NAALADL2: variants seen among roughly 807,000 people sequenced by gnomAD.
The protein encoded by NAALADL2 is inactive N-acetylated-alpha-linked acidic dipeptidase-like protein 2.
In NAALADL2, 76 loss-of-function variants were observed where a neutral mutation model predicts 87.2. That is an observed-to-expected ratio of 0.87 (90% CI 0.72 to 1.05). The LOEUF is 1.05. Ranked by LOEUF, NAALADL2 falls within the 50% of genes least tolerant of loss-of-function variation. The pLI, the probability that NAALADL2 is intolerant of heterozygous loss-of-function variation, is 0.00. For missense variants in NAALADL2, 1,089 were observed against 945.8 expected, an observed-to-expected ratio of 1.15 and a Z score of -1.99; for synonymous variants, 354 against 331.0, an observed-to-expected ratio of 1.07 and a Z score of -0.75.
intron 9 of NAALADL2, among the ~76,000 whole-genome samples, chr3:175,472,555 G>A (rs1476237647): frequency 6.6e-6 from 1 of 152,064 alleles, no homozygotes; most frequent in Non-Finnish European, 1.5e-5. Flanking sequence ...ATGCCCACAG[G>A]ACTTTTTGGG....
intron 2 of NAALADL2, among the ~76,000 whole-genome samples, chr3:174,587,441 T>A (rs1390841623): frequency 1.3e-5 from 2 of 152,182 alleles, no homozygotes; most frequent in Admixed American, 1.3e-4. Context: ...TTTATTTTGC[T>A]CATTAGTTGA....
chr3:175,082,572 AT>A (rs1234785715), intron 1 of NAALADL2, among the ~76,000 whole-genome samples: 1 of 152,138 alleles, frequency 6.6e-6, no homozygotes, highest in Non-Finnish European at 1.5e-5. Context: ...GAAGCACTTT[AT>A]TTTTTAAGAA....
chr3:174,501,287 C>T (rs990751212), intron 1 of NAALADL2, among the ~76,000 whole-genome samples: 9 of 143,684 alleles, frequency 6.3e-5, no homozygotes, highest in African/African-American at 2.7e-4. Context: ...ACCGTTTTAG[C>T]CGGGATGGTC....
At chr3:174,765,522 A>G (rs553713078) in intron 3 of NAALADL2, among the ~76,000 whole-genome samples, 21 of 152,120 alleles carry the variant, frequency 1.4e-4, no homozygotes, top group Admixed American at 7.2e-4. Flanking sequence ...AAAACTTGCC[A>G]TTTTCACTAT....
chr3:175,199,756 TG>T (rs1739529112), intron 2 of NAALADL2, among the ~76,000 whole-genome samples: 1 of 79,970 alleles, frequency 1.3e-5, no homozygotes, highest in Non-Finnish European at 3.3e-5. Context: ...CCAGGAAAAC[TG>T]ATTGATTTGC....
chr3:174,702,243 AT>A (rs1201632391), intron 2 of NAALADL2, among the ~76,000 whole-genome samples: 5 of 152,074 alleles, frequency 3.3e-5, no homozygotes, highest in Non-Finnish European at 7.4e-5. Context: ...TGTTCAAATA[AT>A]TTTTTTGTTG....
chr3:175,747,965 T>C (rs1746140514), intron 12 of NAALADL2, among the ~76,000 whole-genome samples: 1 of 152,188 alleles, frequency 6.6e-6, no homozygotes. Flanking sequence ...CTGCAGTGGC[T>C]ACCTGGATTA....
chr3:174,502,317 A>G (rs894775198), intron 1 of NAALADL2, among the ~76,000 whole-genome samples: 8 of 152,218 alleles, frequency 5.3e-5, no homozygotes, highest in Non-Finnish European at 7.3e-5. Flanking sequence ...GTTAGAAAAT[A>G]TAACAGTTAT....
At chr3:175,770,223 A>T in intron 13 of NAALADL2, among the ~76,000 whole-genome samples, 1 of 152,214 alleles carries the variant, frequency 6.6e-6, no homozygotes, top group Admixed American at 6.5e-5. Flanking sequence ...ATTAATTTGT[A>T]ACATTTCAGA....
At position 175,806,315 on chromosome 3, in the gene NAALADL2, A is replaced by G. The variant is rs1754696518; in HGVS notation, c.*3112A>G. 1 of 151,894 alleles carries G rather than the reference A, an allele frequency of 6.6e-6. No individual in the cohort carries two copies. Among genetic ancestry groups the G allele is most frequent in the African/African-American group, 2.4e-5 (1 of 41,382 alleles). The allele number at this position is 151,894 out of a possible 1,614,324, so 9.4% of individuals were successfully genotyped here. A position where few individuals can be genotyped will look rare whatever the true frequency, so the allele number is the denominator to read the frequency against. On this transcript the variant is annotated 3_prime_UTR_variant, in exon 14 of 14. Coordinates refer to ENST00000454872, the MANE Select transcript of NAALADL2 (RefSeq NM_207015.3). ...CAGGAAGAAGGACATTGAGCAAAAT[A>G]TATCTGTAAGAGGGCAAGTCAGGCC...
chr3:174,704,794 C>T (rs1729904997), intron 2 of NAALADL2, among the ~76,000 whole-genome samples: 1 of 151,990 alleles, frequency 6.6e-6, no homozygotes, highest in Non-Finnish European at 1.5e-5. Flanking sequence ...ACAGTAAGTC[C>T]TCTCTTAACA....
At chr3:174,915,665 A>G (rs1435196379) in intron 1 of NAALADL2, among the ~76,000 whole-genome samples, 1 of 152,182 alleles carries the variant, frequency 6.6e-6, no homozygotes, top group African/African-American at 2.4e-5. Context: ...GAATTTTATC[A>G]TATGATACTT....
rs3040495 is a variant in NAALADL2 at position 175,475,024 on chromosome 3, T to TACACACACACAC, written c.1653+3279_1653+3290dup. Reference sequence around the variant, plus strand: ...ATTCTTTCATGCACAAACATTTAAGTACACACACACACACACACACACACT... The same window carrying TACACACACACAC: ...ATTCTTTCATGCACAAACATTTAAGTACACACACACACACACACACACACACACACACACACT... On this transcript the variant is annotated intron_variant, in intron 9 of 13. Transcript: ENST00000454872. Among the ~76,000 whole-genome samples, 439 of 149,706 alleles carry TACACACACACAC rather than the reference T, an allele frequency of 2.9e-3. 3 individuals carry two copies. The highest frequency in any genetic ancestry group is 3.6e-3 in the Middle Eastern group (1 of 276).
chr3:174,852,008 T>C (rs1725312325), intron 3 of NAALADL2, among the ~76,000 whole-genome samples: 2 of 152,020 alleles, frequency 1.3e-5, no homozygotes, highest in South Asian at 2.1e-4. Flanking sequence ...ACCCAAAAAG[T>C]ACTTGGTAAA....
intron 2 of NAALADL2, among the ~76,000 whole-genome samples, chr3:174,612,371 A>C (rs478065): frequency 0.17 from 25,326 of 152,056 alleles, 2,455 homozygotes; most frequent in African/African-American, 0.26. Flanking sequence ...CCTTTGAATA[A>C]ACGTTCTACT....
intron 1 of NAALADL2, among the ~76,000 whole-genome samples, chr3:174,934,924 C>T (rs1188584806): frequency 6.6e-6 from 1 of 151,426 alleles, no homozygotes; most frequent in Non-Finnish European, 1.5e-5. Context: ...TGTGAAAAAG[C>T]TTCCCCACAT....
intron 5 of NAALADL2, among the ~76,000 whole-genome samples, chr3:175,428,228 A>G (rs1717149251): frequency 6.6e-6 from 1 of 152,142 alleles, no homozygotes; most frequent in Admixed American, 6.6e-5. Flanking sequence ...TCTGTACAGT[A>G]GTGTTCACTA....
intron 3 of NAALADL2, among the ~76,000 whole-genome samples, chr3:174,774,990 T>C (rs937901442): frequency 1.3e-5 from 2 of 152,100 alleles, no homozygotes; most frequent in Non-Finnish European, 2.9e-5. Context: ...CCCTTGGAAA[T>C]GACAACTGTC....
At chr3:175,792,114 A>C (rs989564792) in intron 13 of NAALADL2, among the ~76,000 whole-genome samples, 2 of 152,220 alleles carry the variant, frequency 1.3e-5, no homozygotes, top group African/African-American at 4.8e-5. Flanking sequence ...TTTGTTTACA[A>C]ATTAAAACCA....
Sources: allele counts gnomAD v4.1 joint callset (sites outside exome capture counted in the v4.1 genomes callset), GRCh38; gene constraint gnomAD v4.1.1; transcripts MANE v1.5; gene names NCBI Gene and HGNC (gene_info 2026-07-23, HGNC 2026-07-21).